RANBP17: variants seen among roughly 807,000 people sequenced by gnomAD.
RANBP17 encodes ran-binding protein 17.
Under a neutral mutation model 141.2 loss-of-function variants are expected in RANBP17, and 158 were observed. The ratio of observed to expected loss-of-function variants is 1.12; its 90% CI spans 0.98 to 1.28. The LOEUF (loss-of-function observed/expected upper bound fraction) is 1.28, where lower values mean the gene tolerates loss of function less well. RANBP17 is among the 50% of genes most tolerant of loss of function. The pLI, the probability that RANBP17 is intolerant of heterozygous loss-of-function variation, is 0.00. For missense variants in RANBP17, 1,438 were observed against 1,290.7 expected (o/e 1.11, Z -1.75); for synonymous variants, 430 against 450.0 (o/e 0.96, Z 0.56).
chr5:170,902,381 A>T (rs886798665), intron 5 of RANBP17, among the ~76,000 whole-genome samples: 2 of 152,112 alleles, frequency 1.3e-5, no homozygotes. Context: ...CAGGTCATTT[A>T]TGTTCTTCTC....
chr5:170,924,246 C>T, intron 11 of RANBP17, 111 bp from the exon 12 acceptor site: 1 of 699,584 alleles, frequency 1.4e-6, no homozygotes, highest in Non-Finnish European at 2.2e-6. Context: ...CCTCCTGCCT[C>T]TGTCTTTTAT....
intron 12 of RANBP17, among the ~76,000 whole-genome samples, chr5:170,953,102 T>G (rs1435923147): frequency 3.3e-5 from 5 of 152,090 alleles, no homozygotes; most frequent in Admixed American, 6.6e-5. Flanking sequence ...TTACTATCTA[T>G]TATGTTCCAA....
chr5:170,919,695 A>G, intron 11 of RANBP17, 82 bp downstream of exon 11: 2 of 1,099,666 alleles, frequency 1.8e-6, no homozygotes, highest in Non-Finnish European at 2.6e-6. Flanking sequence ...TTTAAAATTC[A>G]CCCCTTTTAG....
At chr5:171,044,018 T>C (rs1782418662) in intron 14 of RANBP17, among the ~76,000 whole-genome samples, 1 of 152,136 alleles carries the variant, frequency 6.6e-6, no homozygotes, top group Admixed American at 6.6e-5. Flanking sequence ...TAAAAGTGCC[T>C]GTTTGACATT....
In RANBP17 at chr5:170,968,371, C is replaced by T; in HGVS notation, c.1704C>T (p.Thr568=). Residue 568 remains threonine (T), a synonymous_variant, in exon 14 of 28, where the codon ACC becomes ACT. Transcript: ENST00000523189. ...KTYVGDQLQR[T]SKVYARMSEV... is the part of the protein sequence containing the mutation. ...ATGTTGGTGATCAACTTCAAAGAAC[C>T]TCAAAGGTAGGTTTCTACTAGAGAG... The T allele has an allele frequency of 6.2e-7, 1 of 1,603,438 alleles. No homozygotes were observed. The highest frequency in any genetic ancestry group is 8.5e-7 in the Non-Finnish European group (1 of 1,176,042).
At chr5:170,884,417 A>G (rs76991342) in intron 3 of RANBP17, among the ~76,000 whole-genome samples, 4,457 of 152,300 alleles carry the variant, frequency 0.029, 219 homozygotes, top group African/African-American at 0.099. Context: ...GTTATATACT[A>G]TATTCTGTGA....
chr5:171,238,539 A>G (rs1397533013), intron 22 of RANBP17, among the ~76,000 whole-genome samples: 1 of 151,396 alleles, frequency 6.6e-6, no homozygotes, highest in Non-Finnish European at 1.5e-5. Context: ...AAGTTTTCTC[A>G]CTTTTACCCT....
At position 170,961,073 on chromosome 5, in the gene RANBP17, C is replaced by T. The variant is rs569737320; in HGVS notation, c.1575-7169C>T. ...CTGCCCCTTTAGATGGCTACACATG[C>T]TTTCCTTTTTGTCGCAACACTATGG... On this transcript the variant is annotated intron_variant, in intron 13 of 27. Transcript: ENST00000523189. Among the ~76,000 whole-genome samples the T allele has an allele frequency of 4.2e-5, 5 of 120,402 alleles. No individual in the cohort carries two copies. In the South Asian group the frequency reaches 2.4e-3, roughly 57 times the overall value. The allele number at this position is 120,402 out of a possible 152,430, so 79.0% of individuals were successfully genotyped here.
At chr5:171,210,274 G>T (rs1762799495) in intron 20 of RANBP17, among the ~76,000 whole-genome samples, 1 of 152,050 alleles carries the variant, frequency 6.6e-6, no homozygotes, top group African/African-American at 2.4e-5. Flanking sequence ...TCACTCTGCA[G>T]CCCTTTTAAC....
In RANBP17 at chr5:171,276,730, A is replaced by G. The variant is rs551666717; in HGVS notation, c.2943+10883A>G. 5.3e-5 allele frequency among the ~76,000 whole-genome samples: 8 copies of G among 152,322 alleles called. No individual in the cohort carries two copies. The South Asian group carries it at 1.7e-3, about 32-fold the overall frequency. Reference sequence around the variant, plus strand: ...CACATTCATGTAAAGCAGATAGAGAATATTTCATAAGGGAAGAAAGGACAG... The same window carrying G: ...CACATTCATGTAAAGCAGATAGAGAGTATTTCATAAGGGAAGAAAGGACAG... On this transcript the variant is annotated intron_variant, in intron 25 of 27. Coordinates refer to ENST00000523189, the MANE Select transcript of RANBP17 (RefSeq NM_022897.5).
intron 22 of RANBP17, among the ~76,000 whole-genome samples, chr5:171,223,684 C>T (rs1763709123): frequency 6.6e-6 from 1 of 152,082 alleles, no homozygotes; most frequent in African/African-American, 2.4e-5. Flanking sequence ...TGCTTTGCCT[C>T]CTAGAGGTAA....
chr5:170,862,024 T>A lies in RANBP17; in HGVS notation c.-10T>A. On this transcript the variant is annotated 5_prime_UTR_variant, in exon 1 of 28. Coordinates refer to ENST00000523189, the MANE Select transcript of RANBP17 (RefSeq NM_022897.5). The stretch of plus-strand genomic sequence containing the variant: ...GACCGGCCGGCTGGCCGGCGCCGCC[T>A]CCTGGGAAGATGGCGCTGCACTTCC... 1 of 1,459,726 alleles carries A rather than the reference T, an allele frequency of 6.9e-7. No homozygotes were observed. The highest frequency in any genetic ancestry group is 9.0e-7 in the Non-Finnish European group (1 of 1,112,708). 90.4% of individuals were successfully genotyped at this position (1,459,726 alleles called of 1,614,324 possible). A position where few individuals can be genotyped will look rare whatever the true frequency, so the allele number is the denominator to read the frequency against.
Position 170,916,582 on chromosome 5 carries a change from C to G in RANBP17, c.952C>G (p.Gln318Glu). 1 of 1,545,456 alleles carries G rather than the reference C, an allele frequency of 6.5e-7. No homozygotes were observed. The highest frequency in any genetic ancestry group is 2.3e-5 in the East Asian group (1 of 43,674). The change falls in exon 9 of 28, where the codon CAG (glutamine) becomes GAG (glutamate). Residue 318 changes from glutamine (Q) to glutamate (E), a missense_variant and splice_region_variant. By Grantham distance (29) the Gln-to-Glu change is conservative. Transcript: ENST00000523189. ...AGTAAAAAGGATACTTGAAAACCCT[C>G]AGGTATTTATGAAGTAATTTAATAC... ...KGVKRILENP[Q>E]GLSDPGNYHE...
rs1214353442 is a variant in RANBP17, at chr5:171,299,126, G to C, written c.*268G>C. On this transcript the variant is annotated 3_prime_UTR_variant, in exon 28 of 28. Coordinates refer to ENST00000523189, the MANE Select transcript of RANBP17 (RefSeq NM_022897.5). ...TCTTTGTTCTCCTAATGCTCTGAAA[G>C]GATGTAGAAACAATATTTAACCAAA... 1 of 344,314 alleles carries C rather than the reference G, an allele frequency of 2.9e-6. No homozygotes were observed. Among genetic ancestry groups the C allele is most frequent in the Non-Finnish European group, 5.3e-6 (1 of 187,030 alleles). The allele number at this position is 344,314 out of a possible 1,614,324, so 21.3% of individuals were successfully genotyped here. A position where few individuals can be genotyped will look rare whatever the true frequency, so the allele number is the denominator to read the frequency against.
intron 14 of RANBP17, among the ~76,000 whole-genome samples, chr5:171,066,529 C>A (rs181872965): frequency 2.0e-5 from 3 of 152,124 alleles, no homozygotes; most frequent in Non-Finnish European, 2.9e-5. Context: ...AATAGCATTC[C>A]ACTGTATGTA....
intron 18 of RANBP17, among the ~76,000 whole-genome samples, chr5:171,186,559 C>T (rs181621499): frequency 0.034 from 635 of 18,872 alleles, 14 homozygotes; most frequent in East Asian, 0.28. Context: ...TTTTTTGAGA[C>T]GGAGTCTCGC....
intron 13 of RANBP17, among the ~76,000 whole-genome samples, chr5:170,954,060 A>T (rs1230145063): frequency 6.6e-6 from 1 of 152,204 alleles, no homozygotes; most frequent in African/African-American, 2.4e-5. Flanking sequence ...TCAGTTACCC[A>T]TCGCAGGTTT....
At chr5:171,190,841 A>C (rs1308296544) in intron 18 of RANBP17, among the ~76,000 whole-genome samples, 1 of 152,204 alleles carries the variant, frequency 6.6e-6, no homozygotes, top group Non-Finnish European at 1.5e-5. Context: ...ATTATTTGCA[A>C]ATTAAGTTTT....
At chr5:171,035,882 G>A (rs1280751341) in intron 14 of RANBP17, among the ~76,000 whole-genome samples, 1 of 151,484 alleles carries the variant, frequency 6.6e-6, no homozygotes, top group Non-Finnish European at 1.5e-5. Flanking sequence ...ATAGTACCCA[G>A]TAGGTTTTCT....
Sources: allele counts gnomAD v4.1 joint callset (sites outside exome capture counted in the v4.1 genomes callset), GRCh38; gene constraint gnomAD v4.1.1; transcripts MANE v1.5; gene names NCBI Gene and HGNC (gene_info 2026-07-23, HGNC 2026-07-21).